Variants in RPTOR observed in about 807,000 individuals in gnomAD.
The protein encoded by RPTOR is regulatory associated protein of MTOR complex 1, also known as regulatory-associated protein of mTOR.
RPTOR carries 21 observed loss-of-function variants against 169.9 expected under a neutral mutation model. The observed-to-expected ratio is 0.12, with a 90% CI of 0.09 to 0.18. The LOEUF is 0.18. Among genes scored for constraint, RPTOR ranks in the 10% least tolerant of loss-of-function variants. The probability of loss-of-function intolerance (pLI) is 1.00; values close to 1 mark genes in which losing one functional copy is unlikely to be tolerated. For missense variants in RPTOR, 1,133 were observed against 1,855.9 expected, an observed-to-expected ratio of 0.61 and a Z score of 7.16; for synonymous variants, 732 against 753.2, an observed-to-expected ratio of 0.97 and a Z score of 0.46.
intron 5 of RPTOR, among the ~76,000 whole-genome samples, chr17:80,736,088 C>T (rs967312403): frequency 1.3e-5 from 2 of 152,020 alleles, no homozygotes; most frequent in Admixed American, 6.6e-5. Context: ...GGAAGGGTCG[C>T]TTGAGCTCAG....
chr17:80,682,963 G>A (rs2065909698), intron 3 of RPTOR, among the ~76,000 whole-genome samples: 1 of 151,816 alleles, frequency 6.6e-6, no homozygotes, highest in African/African-American at 2.4e-5. Flanking sequence ...ACTACACCCA[G>A]CTAATTTATT....
At chr17:80,599,224 C>T (rs1307957247) in intron 1 of RPTOR, among the ~76,000 whole-genome samples, 1 of 152,142 alleles carries the variant, frequency 6.6e-6, no homozygotes, top group Admixed American at 6.5e-5. Flanking sequence ...GTGAGGAAAC[C>T]CCGCAGCCAT....
chr17:80,782,253 A>T (rs1598300766), intron 6 of RPTOR, among the ~76,000 whole-genome samples: 1 of 152,154 alleles, frequency 6.6e-6, no homozygotes. Context: ...GGACTCTGGG[A>T]TGTAGGGGAA....
At chr17:80,685,644 T>TTTTTTTTTA (rs2065940489) in intron 3 of RPTOR, among the ~76,000 whole-genome samples, 2 of 72,302 alleles carry the variant, frequency 2.8e-5, no homozygotes, top group South Asian at 6.1e-4. Context: ...TTTTTTTTTT[T>TTTTTTTTTA]TTTTTTTTTT....
intron 3 of RPTOR, among the ~76,000 whole-genome samples, chr17:80,696,131 A>G (rs1296195840): frequency 6.6e-6 from 1 of 152,064 alleles, no homozygotes; most frequent in Non-Finnish European, 1.5e-5. Flanking sequence ...TCTCCCTTTT[A>G]AATTTCAAAG....
intron 3 of RPTOR, among the ~76,000 whole-genome samples, chr17:80,685,602 CATATATATATATAT>C (rs1164461444): frequency 1.2e-4 from 4 of 34,526 alleles, no homozygotes; most frequent in South Asian, 1.3e-3. Context: ...GGGCCATTTC[CATATATATATATAT>C]ATATATATAT....
chr17:80,689,636 A>G (rs1017461347), intron 3 of RPTOR, among the ~76,000 whole-genome samples: 1 of 152,274 alleles, frequency 6.6e-6, no homozygotes, highest in African/African-American at 2.4e-5. Flanking sequence ...ATTGGAGGCC[A>G]TTCATAGGCT....
In RPTOR at chr17:80,730,753, T is replaced by TTTTTG; in HGVS notation, c.654+48_654+49insTTTGT. 7.2e-7 allele frequency: 1 copy of TTTTTG among 1,382,014 alleles called. No homozygotes were observed. Among genetic ancestry groups the TTTTTG allele is most frequent in the East Asian group, 3.0e-5 (1 of 33,228 alleles). The allele number at this position is 1,382,014 out of a possible 1,614,324, so 85.6% of individuals were successfully genotyped here. ...GAGCGGTGCTGGGTTTGGTTTTGTT[T>TTTTTG]TCCCTGGGGGTGGGGTTTGGGTGGG... On this transcript the variant is annotated intron_variant, in intron 5 of 33. Coordinates refer to ENST00000306801, the MANE Select transcript of RPTOR (RefSeq NM_020761.3). The surrounding 1 kb of genome is among the most constrained non-coding windows in gnomAD (Gnocchi z 4.2).
chr17:80,740,894 A>G (rs1300402677), intron 5 of RPTOR, among the ~76,000 whole-genome samples: 3 of 152,242 alleles, frequency 2.0e-5, no homozygotes, highest in Non-Finnish European at 4.4e-5. Context: ...GTTATTCAAC[A>G]GAAGTACTGG....
chr17:80,919,703 G>A (rs933159648), intron 21 of RPTOR, among the ~76,000 whole-genome samples: 4 of 152,198 alleles, frequency 2.6e-5, no homozygotes, highest in Non-Finnish European at 4.4e-5. Context: ...GTTCATGTGC[G>A]CACTGGCCCA....
chr17:80,754,156 C>T lies in RPTOR; in HGVS notation c.801C>T (p.Leu267=), dbSNP rs1330229468. ...CGGCTGACCTATTCACCTCCTGCCT[C>T]ACCACCCCCATCAAGATCGCCCTGC... The part of the protein sequence containing the change: ...DLPADLFTSC[L]TTPIKIALRW... The change falls in exon 6 of 34, where the codon CTC becomes CTT. Residue 267 remains leucine, a synonymous_variant. Transcript: ENST00000306801. The surrounding 1 kb of genome is among the most constrained non-coding windows in gnomAD (Gnocchi z 4.2). 1.1e-5 allele frequency: 18 copies of T among 1,610,602 alleles called. No homozygotes were observed. Among genetic ancestry groups the T allele is most frequent in the Non-Finnish European group, 1.5e-5 (18 of 1,178,126 alleles).
At chr17:80,555,968 C>T (rs2084402440) in intron 1 of RPTOR, among the ~76,000 whole-genome samples, 1 of 150,532 alleles carries the variant, frequency 6.6e-6, no homozygotes, top group African/African-American at 2.4e-5. Context: ...CGTGGTGGCT[C>T]ACATTTGTAA....
At chr17:80,858,853 T>C (rs1885227483) in intron 13 of RPTOR, among the ~76,000 whole-genome samples, 1 of 152,180 alleles carries the variant, frequency 6.6e-6, no homozygotes. Context: ...CGGTTCCCGG[T>C]AGACACAGTT....
chr17:80,677,276 CTT>C, intron 3 of RPTOR, among the ~76,000 whole-genome samples: 1 of 152,188 alleles, frequency 6.6e-6, no homozygotes, highest in East Asian at 1.9e-4. Context: ...TGTCATAACT[CTT>C]CTCCATGTCT....
At chr17:80,840,761 C>T (rs1437671330) in intron 10 of RPTOR, among the ~76,000 whole-genome samples, 1 of 132,888 alleles carries the variant, frequency 7.5e-6, no homozygotes, top group Non-Finnish European at 1.6e-5. Flanking sequence ...TCTCACCACA[C>T]GGCAGCTCTC....
chr17:80,714,130 G>A (rs1454225643), intron 4 of RPTOR, among the ~76,000 whole-genome samples: 3 of 152,032 alleles, frequency 2.0e-5, no homozygotes, highest in Non-Finnish European at 4.4e-5. Context: ...TAGTAGAGAT[G>A]GGGTTTCACC....
chr17:80,800,812 G>A (rs1342176302), intron 7 of RPTOR, among the ~76,000 whole-genome samples: 2 of 152,208 alleles, frequency 1.3e-5, no homozygotes, highest in Non-Finnish European at 2.9e-5. Flanking sequence ...TGTTCCACGA[G>A]GCTGCTAGTT....
At chr17:80,678,611 A>G (rs1478232167) in intron 3 of RPTOR, among the ~76,000 whole-genome samples, 1 of 152,254 alleles carries the variant, frequency 6.6e-6, no homozygotes, top group African/African-American at 2.4e-5. Flanking sequence ...AAAGGAAAGC[A>G]GTGGTTATGC....
chr17:80,783,016 T>C (rs1292411921), intron 6 of RPTOR, among the ~76,000 whole-genome samples: 3 of 152,214 alleles, frequency 2.0e-5, no homozygotes, highest in African/African-American at 4.8e-5. Context: ...GTGTGTGTGT[T>C]TCCTGTGGTT....
Sources: gnomAD v4.1 joint callset for allele counts (sites outside exome capture counted in the v4.1 genomes callset) on GRCh38, gnomAD v4.1.1 for gene constraint, Gnocchi (gnomAD v3.1) non-coding constraint, MANE v1.5 for transcripts, NCBI Gene and HGNC (gene_info 2026-07-23, HGNC 2026-07-21) for gene names.